The following LMX1B variants were observed in gnomAD, a reference collection of about 807,000 sequenced individuals.
The protein encoded by LMX1B is LIM homeobox transcription factor 1 beta.
In LMX1B, 12 loss-of-function variants were observed where a neutral mutation model predicts 51.4. The observed-to-expected ratio is 0.23, with a 90% CI of 0.15 to 0.38. The LOEUF is 0.38. Ranked by LOEUF, LMX1B falls within the 10% of genes least tolerant of loss-of-function variation. LMX1B has a pLI of 1.00. For synonymous variants in LMX1B, 237 were observed against 235.4 expected (o/e 1.01, Z -0.06); for missense variants, 445 against 571.1 (o/e 0.78, Z 2.25).
intron 2 of LMX1B, among the ~76,000 whole-genome samples, chr9:126,668,663 G>C (rs1387713372): frequency 6.6e-6 from 1 of 151,860 alleles, no homozygotes; most frequent in Non-Finnish European, 1.5e-5. Flanking sequence ...CATGTTGGCC[G>C]GGCTGTTCTC....
Position 126,695,379 on chromosome 9 carries a change from CT to C in LMX1B, c.887-459del, listed in dbSNP as rs373252682. Among the ~76,000 whole-genome samples the C allele has an allele frequency of 4.1e-4, 62 of 152,326 alleles. No homozygotes were observed. The highest frequency in any genetic ancestry group is 1.5e-3 in the African/African-American group (61 of 41,570). Reference sequence around the variant, plus strand: ...CACCCTCACTTACCCGGCGGTCTGTCTCCTCCATGCCTTTGCCGCCCCTCAG... The same window carrying C: ...CACCCTCACTTACCCGGCGGTCTGTCCCTCCATGCCTTTGCCGCCCCTCAG... On this transcript the variant is annotated intron_variant, in intron 6 of 7. Transcript: ENST00000373474. This position sits in a 1 kb window ranked among gnomAD's most constrained non-coding sequence, Gnocchi z 5.2.
At chr9:126,638,486 G>A (rs1317319162) in intron 2 of LMX1B, among the ~76,000 whole-genome samples, 1 of 152,220 alleles carries the variant, frequency 6.6e-6, no homozygotes, top group African/African-American at 2.4e-5. Flanking sequence ...GGCCCCCCAC[G>A]TCCCAGCTCG....
chr9:126,672,049 A>G (rs575495202), intron 2 of LMX1B, among the ~76,000 whole-genome samples: 1 of 152,310 alleles, frequency 6.6e-6, no homozygotes, highest in East Asian at 1.9e-4. Context: ...GCTCCTTCCA[A>G]GGGGTCAGTG....
rs10115304 is a variant in LMX1B, at chr9:126,696,349, C to T, written c.1107C>T (p.Ser369=). ...GCGATACCTCCTTAACCAGCCTCAGCGACTGCTTCCTCGGCTCCTCAGACG... is the reference window on the plus strand; with the variant it reads ...GCGATACCTCCTTAACCAGCCTCAGTGACTGCTTCCTCGGCTCCTCAGACG... ...IDSDTSLTSL[S]DCFLGSSDVG... is the part of the protein sequence containing the mutation. Residue 369 remains serine, a synonymous_variant, in exon 8 of 8, where the codon AGC becomes AGT. Coordinates refer to ENST00000373474, the MANE Select transcript of LMX1B (RefSeq NM_001174147.2). The T allele has an allele frequency of 9.3e-3, 15,044 of 1,614,024 alleles. 1,259 individuals are homozygous for T. In the African/African-American group the frequency reaches 0.18, roughly 19 times the overall value.
At chr9:126,678,329 C>CAA (rs942985684) in intron 2 of LMX1B, among the ~76,000 whole-genome samples, 4 of 117,832 alleles carry the variant, frequency 3.4e-5, no homozygotes, top group East Asian at 2.2e-4. Flanking sequence ...AAACAAAAAA[C>CAA]AAAAAAAAAA....
intron 2 of LMX1B, among the ~76,000 whole-genome samples, chr9:126,624,901 G>C (rs148788321): frequency 6.6e-6 from 1 of 152,268 alleles, no homozygotes; most frequent in African/African-American, 2.4e-5. Flanking sequence ...AGGGAGGTGG[G>C]GGGAGAGTCC....
At position 126,696,361 on chromosome 9, in the gene LMX1B, C is replaced by T. The variant is rs555304586; in HGVS notation, c.1119C>T (p.Leu373=). The T allele has an allele frequency of 2.2e-5, 36 of 1,613,980 alleles. 1 individual carries two copies. Among genetic ancestry groups the T allele is most frequent in the African/African-American group, 2.1e-4 (16 of 74,922 alleles). Residue 373 remains leucine, a synonymous_variant, in exon 8 of 8, where the codon CTC becomes CTT. Coordinates refer to ENST00000373474, the MANE Select transcript of LMX1B (RefSeq NM_001174147.2). ...TSLTSLSDCF[L]GSSDVGSLQA... ...TAACCAGCCTCAGCGACTGCTTCCTCGGCTCCTCAGACGTGGGCTCCCTGC... is the reference window on the plus strand; with the variant it reads ...TAACCAGCCTCAGCGACTGCTTCCTTGGCTCCTCAGACGTGGGCTCCCTGC...
rs2030386902 is a variant in LMX1B, at chr9:126,697,591, C to T, written c.*1140C>T. On this transcript the variant is annotated 3_prime_UTR_variant, in exon 8 of 8. Coordinates refer to ENST00000373474, the MANE Select transcript of LMX1B (RefSeq NM_001174147.2). ...TCCCCCAGCAGGCCTCCGGCTGTCC[C>T]TCTAAAGGTGTGGGGCAGGTATCAC... is the stretch of plus-strand genomic sequence containing the variant. 6.6e-6 allele frequency: 1 copy of T among 152,590 alleles called. No homozygotes were observed. Among genetic ancestry groups the T allele is most frequent in the African/African-American group, 2.4e-5 (1 of 41,582 alleles). The allele number at this position is 152,590 out of a possible 1,614,324, so 9.5% of individuals were successfully genotyped here.
chr9:126,684,539 G>A (rs983616985), intron 2 of LMX1B, among the ~76,000 whole-genome samples: 7 of 152,118 alleles, frequency 4.6e-5, no homozygotes, highest in Non-Finnish European at 7.4e-5. Flanking sequence ...TGAATCACCC[G>A]AGGCTGTGCA....
rs372973403 is a variant in LMX1B, at chr9:126,671,392, G to C, written c.327-19444G>C. The stretch of plus-strand genomic sequence containing the variant: ...CCCTCCCCTCCCAGCAGCTGGGCCC[G>C]GGCTCAGCTGGGGCCCCTGGCCTGG... On this transcript the variant is annotated intron_variant, in intron 2 of 7. Transcript: ENST00000373474. The surrounding 1 kb of genome is among the most constrained non-coding windows in gnomAD (Gnocchi z 4.4). 2.0e-5 allele frequency among the ~76,000 whole-genome samples: 3 copies of C among 151,742 alleles called. No individual in the cohort carries two copies. Among genetic ancestry groups the C allele is most frequent in the East Asian group, 2.0e-4 (1 of 5,110 alleles).
At position 126,618,214 on chromosome 9, in the gene LMX1B, C is replaced by T. The variant is rs1163642234; in HGVS notation, c.326+2645C>T. Among the ~76,000 whole-genome samples the T allele has an allele frequency of 6.6e-6, 1 of 152,172 alleles. No homozygotes were observed. The highest frequency in any genetic ancestry group is 6.5e-5 in the Admixed American group (1 of 15,286). ...AAATTAACAATCCCCCCACCAAACA[C>T]AACTTCTGAAAAATGTGTCCTCACC... On this transcript the variant is annotated intron_variant, in intron 2 of 7. Transcript: ENST00000373474. The surrounding 1 kb of genome is among the most constrained non-coding windows in gnomAD (Gnocchi z 4.5).
At chr9:126,676,967 T>C (rs1836575389) in intron 2 of LMX1B, among the ~76,000 whole-genome samples, 1 of 152,098 alleles carries the variant, frequency 6.6e-6, no homozygotes, top group Non-Finnish European at 1.5e-5. Flanking sequence ...ACAAAGAGGC[T>C]CAATTTAAAG....
At chr9:126,663,756 G>A (rs925609434) in intron 2 of LMX1B, among the ~76,000 whole-genome samples, 1 of 152,202 alleles carries the variant, frequency 6.6e-6, no homozygotes, top group Non-Finnish European at 1.5e-5. Context: ...GTCAACACAC[G>A]GTACTTGAGA....
chr9:126,677,996 C>G lies in LMX1B; in HGVS notation c.327-12840C>G, dbSNP rs1317389733. Among the ~76,000 whole-genome samples, 1 of 152,112 alleles carries G rather than the reference C, an allele frequency of 6.6e-6. No homozygotes were observed. Among genetic ancestry groups the G allele is most frequent in the Non-Finnish European group, 1.5e-5 (1 of 68,036 alleles). On this transcript the variant is annotated intron_variant, in intron 2 of 7. Transcript: ENST00000373474. This position sits in a 1 kb window ranked among gnomAD's most constrained non-coding sequence, Gnocchi z 5.0. ...AAGGTCTTATATGGACAGACTCAGG[C>G]TCATTCAGAGGGTGATTAGAATGTG...
intron 2 of LMX1B, among the ~76,000 whole-genome samples, chr9:126,676,016 T>C (rs1419837413): frequency 1.4e-5 from 2 of 138,832 alleles, no homozygotes; most frequent in Non-Finnish European, 3.0e-5. Flanking sequence ...GCCACTGCAC[T>C]CCAGCCTGGG....
At chr9:126,653,707 T>C (rs150126063) in intron 2 of LMX1B, among the ~76,000 whole-genome samples, 245 of 152,196 alleles carry the variant, frequency 1.6e-3, no homozygotes, top group African/African-American at 5.6e-3. Context: ...CCCCACAGGA[T>C]CCCTCCTGTT....
At chr9:126,652,530 C>A (rs1489757603) in intron 2 of LMX1B, among the ~76,000 whole-genome samples, 1 of 152,238 alleles carries the variant, frequency 6.6e-6, no homozygotes, top group Admixed American at 6.5e-5. Context: ...GAATGTGCAT[C>A]CCATGGTCTT....
intron 2 of LMX1B, among the ~76,000 whole-genome samples, chr9:126,652,780 G>A (rs142654928): frequency 0.011 from 1,748 of 152,326 alleles, 14 homozygotes; most frequent in Non-Finnish European, 0.018. Context: ...GGAGCCTGTG[G>A]GAACAAGGGG....
Position 126,697,234 on chromosome 9 carries a change from A to T in LMX1B, c.*783A>T, listed in dbSNP as rs1002770310. The T allele has an allele frequency of 1.8e-4, 27 of 152,234 alleles. No homozygotes were observed. The highest frequency in any genetic ancestry group is 6.5e-4 in the African/African-American group (27 of 41,450). The allele number at this position is 152,234 out of a possible 1,614,324, so 9.4% of individuals were successfully genotyped here. A position where few individuals can be genotyped will look rare whatever the true frequency, so the allele number is the denominator to read the frequency against. The stretch of plus-strand genomic sequence containing the variant: ...GGGAGGAAGGGGAGAGGAAGAGGCG[A>T]ACTTGAAGCATCGGACCCAGTTGTA... On this transcript the variant is annotated 3_prime_UTR_variant, in exon 8 of 8. Coordinates refer to ENST00000373474, the MANE Select transcript of LMX1B (RefSeq NM_001174147.2).
Sources: gnomAD v4.1 joint callset for allele counts (sites outside exome capture counted in the v4.1 genomes callset) on GRCh38, gnomAD v4.1.1 for gene constraint, Gnocchi (gnomAD v3.1) non-coding constraint, MANE v1.5 for transcripts, NCBI Gene and HGNC (gene_info 2026-07-23, HGNC 2026-07-21) for gene names.